The following NCOA1 variants were observed in gnomAD, a reference collection of about 807,000 sequenced individuals.
The protein encoded by NCOA1 is Hin-2 protein.
NCOA1 carries 35 observed loss-of-function variants against 150.9 expected under a neutral mutation model. The ratio of observed to expected loss-of-function variants is 0.23; its 90% CI spans 0.18 to 0.31. The LOEUF (loss-of-function observed/expected upper bound fraction) is 0.31, where lower values mean the gene tolerates loss of function less well. NCOA1 is among the 10% of genes least tolerant of loss of function. NCOA1 has a pLI of 1.00. For missense variants in NCOA1, 1,491 were observed against 1,749.3 expected, an observed-to-expected ratio of 0.85 and a Z score of 2.63; for synonymous variants, 590 against 630.0, an observed-to-expected ratio of 0.94 and a Z score of 0.95.
intron 1 of NCOA1, among the ~76,000 whole-genome samples, chr2:24,529,172 C>G (rs1309801574): frequency 6.6e-6 from 1 of 152,224 alleles, no homozygotes; most frequent in Admixed American, 6.5e-5. Context: ...AGGCATGAGC[C>G]ACCGTGCCGG....
At chr2:24,532,895 A>C (rs1177202035) in intron 1 of NCOA1, among the ~76,000 whole-genome samples, 1 of 152,130 alleles carries the variant, frequency 6.6e-6, no homozygotes, top group Non-Finnish European at 1.5e-5. Context: ...TGATGCCTCC[A>C]GCTTTGTTCT....
intron 3 of NCOA1, among the ~76,000 whole-genome samples, chr2:24,614,557 A>G (rs1376866590): frequency 2.6e-5 from 4 of 151,958 alleles, no homozygotes; most frequent in African/African-American, 9.7e-5. Flanking sequence ...TCAGACGTTT[A>G]AAATAGAAAT....
At chr2:24,741,737 T>C (rs1460248484) in intron 18 of NCOA1, 47 bp from the exon 19 acceptor site, 11 of 1,550,094 alleles carry the variant, frequency 7.1e-6, no homozygotes, top group Non-Finnish European at 9.6e-6. Context: ...CCAGGATAGA[T>C]AGTGATTATA....
intron 3 of NCOA1, among the ~76,000 whole-genome samples, chr2:24,620,732 A>G (rs561668268): frequency 5.3e-4 from 71 of 133,074 alleles, no homozygotes; most frequent in African/African-American, 1.7e-3. Flanking sequence ...ACTGGCTCAC[A>G]TGTATAAAAA....
At chr2:24,622,279 TG>T (rs1669203422) in intron 3 of NCOA1, among the ~76,000 whole-genome samples, 1 of 152,196 alleles carries the variant, frequency 6.6e-6, no homozygotes, top group Non-Finnish European at 1.5e-5. Context: ...CTGTTGACTT[TG>T]GGGTCAGATA....
chr2:24,666,696 G>A (rs1311134092), intron 6 of NCOA1, among the ~76,000 whole-genome samples: 1 of 150,966 alleles, frequency 6.6e-6, no homozygotes, highest in African/African-American at 2.4e-5. Context: ...GCAGTGGTGC[G>A]ATCTCTGCTC....
At chr2:24,552,727 A>G (rs1665912134) in intron 1 of NCOA1, among the ~76,000 whole-genome samples, 1 of 151,882 alleles carries the variant, frequency 6.6e-6, no homozygotes, top group African/African-American at 2.4e-5. Context: ...ATCTCTTTTT[A>G]ATGTTTATAC....
chr2:24,589,959 C>T (rs1667583881), intron 3 of NCOA1, among the ~76,000 whole-genome samples: 1 of 152,076 alleles, frequency 6.6e-6, no homozygotes, highest in African/African-American at 2.4e-5. Context: ...CATCTTTCTA[C>T]CCTAATTGAC....
chr2:24,511,444 C>A (rs545983809), intron 1 of NCOA1, among the ~76,000 whole-genome samples: 1 of 152,284 alleles, frequency 6.6e-6, no homozygotes, highest in Non-Finnish European at 1.5e-5. Flanking sequence ...GAAGTGGCAT[C>A]TCACTATAAT....
intron 3 of NCOA1, among the ~76,000 whole-genome samples, chr2:24,628,836 C>A (rs1430611455): frequency 6.6e-6 from 1 of 152,002 alleles, no homozygotes; most frequent in Non-Finnish European, 1.5e-5. Context: ...TTAGGAAAGA[C>A]CAGTGTGGTT....
intron 2 of NCOA1, among the ~76,000 whole-genome samples, chr2:24,575,016 G>A (rs1476621901): frequency 6.6e-6 from 1 of 151,906 alleles, no homozygotes; most frequent in Non-Finnish European, 1.5e-5. Context: ...TTATGAATCT[G>A]TAAGTTTCTG....
intron 2 of NCOA1, among the ~76,000 whole-genome samples, chr2:24,572,218 C>T (rs746942772): frequency 2.1e-4 from 32 of 152,056 alleles, no homozygotes; most frequent in Non-Finnish European, 3.5e-4. Flanking sequence ...TTAAGAAGTC[C>T]TAGGCCTGGG....
intron 2 of NCOA1, among the ~76,000 whole-genome samples, chr2:24,566,353 C>T (rs1666505527): frequency 6.6e-6 from 1 of 151,826 alleles, no homozygotes; most frequent in Admixed American, 6.6e-5. Flanking sequence ...AGAGGAGACC[C>T]TGGAGTGGGC....
At chr2:24,582,089 A>G (rs1001591398) in intron 2 of NCOA1, among the ~76,000 whole-genome samples, 1 of 152,202 alleles carries the variant, frequency 6.6e-6, no homozygotes, top group African/African-American at 2.4e-5. Flanking sequence ...TCAACATAGT[A>G]CTGGAAGTCT....
chr2:24,665,410 T>C (rs1406256010), intron 5 of NCOA1, among the ~76,000 whole-genome samples: 1 of 152,250 alleles, frequency 6.6e-6, no homozygotes, highest in Non-Finnish European at 1.5e-5. Context: ...TTATTCATAA[T>C]ATAAAGTAGT....
At chr2:24,700,236 TATTTGC>T (rs1350941861) in intron 11 of NCOA1, among the ~76,000 whole-genome samples, 3 of 151,572 alleles carry the variant, frequency 2.0e-5, no homozygotes, top group Non-Finnish European at 4.4e-5. Flanking sequence ...AGAGAGGTGT[TATTTGC>T]ATTTGCAGTT....
At chr2:24,653,898 C>G (rs1239803006) in intron 4 of NCOA1, among the ~76,000 whole-genome samples, 1 of 152,156 alleles carries the variant, frequency 6.6e-6, no homozygotes, top group Non-Finnish European at 1.5e-5. Flanking sequence ...CTTCCTTGTT[C>G]AGCATTTTCT....
intron 15 of NCOA1, 89 bp from the exon 16 acceptor site, chr2:24,728,219 G>A: frequency 8.4e-7 from 1 of 1,197,174 alleles, no homozygotes; most frequent in East Asian, 2.7e-5. Context: ...AATTTTCTAA[G>A]ACCAAATTTG....
At chr2:24,686,222 C>T (rs1192886069) in intron 8 of NCOA1, among the ~76,000 whole-genome samples, 2 of 152,086 alleles carry the variant, frequency 1.3e-5, no homozygotes, top group African/African-American at 2.4e-5. Context: ...AGGCTGGTCT[C>T]GATCTCCTGA....
Sources: allele counts gnomAD v4.1 joint callset (sites outside exome capture counted in the v4.1 genomes callset), GRCh38; gene constraint gnomAD v4.1.1; transcripts MANE v1.5; gene names NCBI Gene and HGNC (gene_info 2026-07-23, HGNC 2026-07-21).